CD244: variants seen among roughly 807,000 people sequenced by gnomAD.
The protein encoded by CD244 is CD244 molecule.
CD244 carries 20 observed loss-of-function variants against 45.5 expected under a neutral mutation model. The ratio of observed to expected loss-of-function variants is 0.44; its 90% confidence interval spans 0.31 to 0.64. The LOEUF (loss-of-function observed/expected upper bound fraction) is 0.64. Ranked by LOEUF, CD244 falls within the 30% of genes least tolerant of loss-of-function variation. The pLI is 0.08. For missense variants in CD244, 407 were observed against 426.9 expected, an observed-to-expected ratio of 0.95 and a Z score of 0.41; for synonymous variants, 185 against 160.5, an observed-to-expected ratio of 1.15 and a Z score of -1.15.
chr1:160,862,768 C>T lies in CD244; in HGVS notation c.-91G>A, dbSNP rs1242832562. The T allele has an allele frequency of 4.4e-5, 51 of 1,149,940 alleles. No homozygotes were observed. Among genetic ancestry groups the T allele is most frequent in the East Asian group, 2.2e-4 (9 of 40,552 alleles). 71.2% of individuals were successfully genotyped at this position (1,149,940 alleles called of 1,614,324 possible). ...CAGCAGTCCCCAGTCAGCAAGAGGACGATGGGGAGCAGAACTGCCTTGCAA... is the reference window on the plus strand; with the variant it reads ...CAGCAGTCCCCAGTCAGCAAGAGGATGATGGGGAGCAGAACTGCCTTGCAA... On this transcript the variant is annotated 5_prime_UTR_variant, in exon 1 of 9. Coordinates refer to ENST00000368034, the MANE Select transcript of CD244 (RefSeq NM_016382.4).
intron 1 of CD244, chr1:160,848,148 G>A (rs1669799964): frequency 2.1e-6 from 1 of 469,528 alleles, no homozygotes; most frequent in Non-Finnish European, 4.2e-6. Context: ...AAATGATTTG[G>A]TTACAAGAGC....
In CD244 at chr1:160,835,647, A is replaced by G. The variant is rs1013151058; in HGVS notation, c.894+548T>C. ...ACCAAAAATCTCACAAATCACCACTAAAGAACTGACTCATGACACCAAATG... is the reference window on the plus strand; with the variant it reads ...ACCAAAAATCTCACAAATCACCACTGAAGAACTGACTCATGACACCAAATG... On this transcript the variant is annotated intron_variant, in intron 6 of 8. Coordinates refer to ENST00000368034, the MANE Select transcript of CD244 (RefSeq NM_016382.4). 2.0e-5 allele frequency among the ~76,000 whole-genome samples: 3 copies of G among 152,166 alleles called. No individual in the cohort carries two copies. In the East Asian group the frequency reaches 5.8e-4, roughly 29 times the overall value.
At chr1:160,841,161 C>T (rs1423955157) in intron 3 of CD244, 49 bp downstream of exon 3, 11 of 1,575,406 alleles carry the variant, frequency 7.0e-6, no homozygotes, top group Middle Eastern at 1.8e-4. Context: ...AGCCTGGTTG[C>T]GGGGTCCAAA....
At chr1:160,850,097 AT>A (rs1381918919) in intron 1 of CD244, among the ~76,000 whole-genome samples, 1 of 152,218 alleles carries the variant, frequency 6.6e-6, no homozygotes, top group African/African-American at 2.4e-5. Context: ...TATATGAAAA[AT>A]TATTTGAGTG....
intron 6 of CD244, among the ~76,000 whole-genome samples, chr1:160,834,345 C>T (rs560039382): frequency 6.6e-6 from 1 of 152,264 alleles, no homozygotes; most frequent in East Asian, 1.9e-4. Flanking sequence ...GTATTCTCCT[C>T]TAACTGTTTT....
intron 1 of CD244, among the ~76,000 whole-genome samples, chr1:160,855,046 T>G (rs1455812394): frequency 6.6e-6 from 1 of 152,186 alleles, no homozygotes; most frequent in African/African-American, 2.4e-5. Flanking sequence ...AAGAACACTC[T>G]TGCCCTCAGC....
chr1:160,856,152 A>G (rs1341837731), intron 1 of CD244, among the ~76,000 whole-genome samples: 1 of 152,210 alleles, frequency 6.6e-6, no homozygotes, highest in African/African-American at 2.4e-5. Flanking sequence ...GTCCAGTGAG[A>G]TTCCAAAAGT....
chr1:160,848,844 G>GTT (rs1433254889), intron 1 of CD244, among the ~76,000 whole-genome samples: 15 of 152,020 alleles, frequency 9.9e-5, no homozygotes, highest in African/African-American at 3.6e-4. Flanking sequence ...CTCTTCATCT[G>GTT]TATCCTTTGT....
intron 1 of CD244, among the ~76,000 whole-genome samples, chr1:160,848,995 C>T (rs968487497): frequency 1.3e-5 from 2 of 152,220 alleles, no homozygotes; most frequent in Non-Finnish European, 1.5e-5. Context: ...GAGGCCCAGA[C>T]TTAGAACTGG....
At chr1:160,856,125 G>A (rs57483437) in intron 1 of CD244, among the ~76,000 whole-genome samples, 35,973 of 152,050 alleles carry the variant, frequency 0.24, 4,509 homozygotes, top group East Asian at 0.4. Flanking sequence ...GTACCTGCTG[G>A]GGACTAAGTG....
At chr1:160,847,132 A>G (rs1669765483) in intron 1 of CD244, among the ~76,000 whole-genome samples, 1 of 152,152 alleles carries the variant, frequency 6.6e-6, no homozygotes, top group African/African-American at 2.4e-5. Context: ...TGTCATCATT[A>G]TAAAAGAACC....
At chr1:160,839,459 T>C (rs1669456984) in intron 3 of CD244, among the ~76,000 whole-genome samples, 1 of 152,244 alleles carries the variant, frequency 6.6e-6, no homozygotes, top group African/African-American at 2.4e-5. Flanking sequence ...TTCCACAATG[T>C]GGATTCAATG....
At chr1:160,842,086 A>C (rs550817992) in intron 1 of CD244, among the ~76,000 whole-genome samples, 185 bp from the exon 2 acceptor site, 2 of 152,142 alleles carry the variant, frequency 1.3e-5, no homozygotes, top group Admixed American at 1.3e-4. Context: ...CTGTGTCCCT[A>C]GTCTGAGGGA....
intron 7 of CD244, 79 bp downstream of exon 7, chr1:160,833,968 GCACA>G: frequency 1.0e-6 from 1 of 955,068 alleles, no homozygotes; most frequent in Non-Finnish European, 1.7e-6. Flanking sequence ...GCCAGGATGT[GCACA>G]CACACTCTCA....
At chr1:160,832,390 A>T in intron 8 of CD244, 129 bp downstream of exon 8, 1 of 655,406 alleles carries the variant, frequency 1.5e-6, no homozygotes, top group South Asian at 2.1e-5. Context: ...GACTTGCATT[A>T]GAAGATCTCT....
At position 160,841,789 on chromosome 1, in the gene CD244, G is replaced by A. The variant is rs139452711; in HGVS notation, c.174C>T (p.Pro58=). The A allele has an allele frequency of 5.6e-4, 908 of 1,614,172 alleles. 9 individuals carry two copies. The East Asian group carries it at 0.018, about 33-fold the overall frequency. The change falls in exon 2 of 9, where the codon CCC becomes CCT. Residue 58 remains proline, a synonymous_variant. Transcript: ENST00000368034. The part of the protein sequence containing the change: ...VDSIAWKKLL[P]SQNGFHHILK... ...ATATGTGATGAAATCCATTTTGTGA[G>A]GGCAGCAACTTCTTCCATGCAATGC... is the stretch of plus-strand genomic sequence containing the variant.
At chr1:160,837,288 C>T (rs1216949537) in intron 5 of CD244, among the ~76,000 whole-genome samples, 1 of 152,178 alleles carries the variant, frequency 6.6e-6, no homozygotes, top group South Asian at 2.1e-4. Flanking sequence ...AATCTCAAGT[C>T]ATCTTCTTTT....
chr1:160,844,330 G>A (rs1432329183), intron 1 of CD244, among the ~76,000 whole-genome samples: 1 of 152,176 alleles, frequency 6.6e-6, no homozygotes, highest in South Asian at 2.1e-4. Flanking sequence ...AAGTAATCAT[G>A]TCTAATATGT....
intron 5 of CD244, among the ~76,000 whole-genome samples, chr1:160,837,585 C>T (rs1016554394): frequency 3.3e-4 from 50 of 152,354 alleles, no homozygotes; most frequent in African/African-American, 1.1e-3. Context: ...GCCTGCTCTG[C>T]GAGGCTGCAC....
Sources: gnomAD v4.1 joint callset for allele counts (sites outside exome capture counted in the v4.1 genomes callset) on GRCh38, gnomAD v4.1.1 for gene constraint, MANE v1.5 for transcripts, NCBI Gene and HGNC (gene_info 2026-07-23, HGNC 2026-07-21) for gene names.